Variants in CFAP47 observed in about 807,000 individuals in gnomAD.
CFAP47 encodes cilia- and flagella-associated protein 47.
CFAP47 carries 29 observed loss-of-function variants against 148.1 expected under a neutral mutation model. The ratio of observed to expected loss-of-function variants is 0.20; its 90% CI spans 0.15 to 0.27. CFAP47 has a LOEUF of 0.27. Among genes scored for constraint, CFAP47 ranks in the 10% least tolerant of loss-of-function variants. The probability of loss-of-function intolerance (pLI) is 1.00; values close to 1 mark genes in which losing one functional copy is unlikely to be tolerated. For synonymous variants in CFAP47, 664 were observed against 577.3 expected, an observed-to-expected ratio of 1.15 and a Z score of -2.15; for missense variants, 1,872 against 1,697.5, an observed-to-expected ratio of 1.10 and a Z score of -1.81.
At chrX:36,379,822 G>T (rs1942061768) in intron 63 of CFAP47, 2 of 164,993 alleles carry the variant, frequency 1.2e-5, no homozygotes, top group South Asian at 3.2e-4. Context: ...GTATAGTTAT[G>T]TATCACTTTC....
intron 33 of CFAP47, among the ~76,000 whole-genome samples, chrX:36,123,806 C>T (rs1247715670): frequency 9.0e-6 from 1 of 111,302 alleles, no homozygotes; most frequent in Non-Finnish European, 1.9e-5. Flanking sequence ...GTCTAAGGTG[C>T]AAGACAGAGG....
At chrX:36,255,959 T>A (rs2146926366) in intron 49 of CFAP47, among the ~76,000 whole-genome samples, 1 of 111,735 alleles carries the variant, frequency 8.9e-6, no homozygotes, top group Admixed American at 9.5e-5. Flanking sequence ...AACAAACAAA[T>A]CCAAGCAAAA....
At chrX:36,246,596 A>G (rs1940618160) in intron 48 of CFAP47, among the ~76,000 whole-genome samples, 1 of 111,400 alleles carries the variant, frequency 9.0e-6, no homozygotes, top group South Asian at 3.8e-4. Flanking sequence ...TGTCATGAGA[A>G]CAGCATGGGA....
intron 36 of CFAP47, among the ~76,000 whole-genome samples, chrX:36,146,010 A>C (rs992411877): frequency 6.3e-5 from 7 of 110,648 alleles, no homozygotes; most frequent in African/African-American, 2.0e-4. Context: ...TATTTACTTT[A>C]TTTCTTTCCT....
intron 32 of CFAP47, among the ~76,000 whole-genome samples, chrX:36,103,529 A>AC (rs1938416147): frequency 2.0e-5 from 2 of 100,580 alleles, no homozygotes; most frequent in African/African-American, 3.7e-5. Flanking sequence ...AAAAAAAAAA[A>AC]CATCCCTCAA....
chrX:36,200,209 G>A (rs1939964917), intron 42 of CFAP47, among the ~76,000 whole-genome samples, 170 bp from the exon 43 acceptor site: 1 of 112,004 alleles, frequency 8.9e-6, no homozygotes, highest in Non-Finnish European at 1.9e-5. Flanking sequence ...CCCATACTAT[G>A]GTTGAACTAT....
intron 29 of CFAP47, among the ~76,000 whole-genome samples, chrX:36,075,205 A>T (rs182349184): frequency 1.1e-4 from 11 of 98,714 alleles, no homozygotes; most frequent in Admixed American, 6.6e-4. Flanking sequence ...TATTATTTTT[A>T]TTTATTTATT....
Position 36,065,624 on chromosome X carries a change from G to A in CFAP47, c.4218-19G>A, listed in dbSNP as rs757076076. 2.6e-5 allele frequency: 27 copies of A among 1,039,546 alleles called. No individual in the cohort carries two copies. In the South Asian group the frequency reaches 4.7e-4, roughly 18 times the overall value. The allele number at this position is 1,039,546 out of a possible 1,213,427, so 85.7% of individuals were successfully genotyped here. ...TCTGAAATTTTTATTGTATTGAAAT[G>A]CAATGTTTTCACTTTCAGGTTTTCA... On this transcript the variant is annotated intron_variant, in intron 26 of 63. Coordinates refer to ENST00000378653, the MANE Select transcript of CFAP47 (RefSeq NM_001304548.2).
At position 35,948,371 on chromosome X, in the gene CFAP47, G is replaced by A. The variant is rs1248904701; in HGVS notation, c.575G>A (p.Gly192Asp). The part of the protein sequence containing the change: ...QLPILIFPTS[G>D]IVDAKSSMVI... The stretch of plus-strand genomic sequence containing the variant: ...CCCATCCTCATTTTTCCAACTAGTG[G>A]TATCGTGGATGCTAAGTCATCAATG... Residue 192 changes from glycine (G) to aspartate (D), a missense_variant, in exon 4 of 64, where the codon GGT becomes GAT. Coordinates refer to ENST00000378653, the MANE Select transcript of CFAP47 (RefSeq NM_001304548.2). The A allele has an allele frequency of 5.0e-6, 6 of 1,197,821 alleles. No individual in the cohort carries two copies. Among genetic ancestry groups the A allele is most frequent in the African/African-American group, 3.5e-5 (2 of 56,944 alleles).
intron 16 of CFAP47, 136 bp from the exon 17 acceptor site, chrX:35,991,685 T>A (rs188929381): frequency 1.2e-4 from 32 of 259,570 alleles, no homozygotes; most frequent in Admixed American, 4.0e-4. Flanking sequence ...TTATAATTTT[T>A]ATTTTCTTTT....
At position 36,376,544 on chromosome X, in the gene CFAP47, T is replaced by A. The variant is rs141746981; in HGVS notation, c.9186-2806T>A. 5.8e-3 allele frequency among the ~76,000 whole-genome samples: 653 copies of A among 112,023 alleles called. 8 individuals are homozygous for A. Among genetic ancestry groups the A allele is most frequent in the African/African-American group, 0.02 (609 of 30,775 alleles). The stretch of plus-strand genomic sequence containing the variant: ...CAGAAGCTGAGCATTTCTTCCCAAT[T>A]ATGTGGCACTGTGCCAGCAGGAGGG... On this transcript the variant is annotated intron_variant, in intron 62 of 63. Coordinates refer to ENST00000378653, the MANE Select transcript of CFAP47 (RefSeq NM_001304548.2).
Position 36,123,136 on chromosome X carries a change from A to G in CFAP47, c.5321-14822A>G, listed in dbSNP as rs181345694. The stretch of plus-strand genomic sequence containing the variant: ...GCAGAGACTCTTGTTCTCTTTCTTT[A>G]CTTTCTCCCAAGCAAATGAAGTCTT... On this transcript the variant is annotated intron_variant, in intron 33 of 63. Coordinates refer to ENST00000378653, the MANE Select transcript of CFAP47 (RefSeq NM_001304548.2). Among the ~76,000 whole-genome samples the G allele has an allele frequency of 5.4e-3, 600 of 111,895 alleles. 3 individuals are homozygous for G. The highest frequency in any genetic ancestry group is 0.017 in the African/African-American group (531 of 30,844).
Position 36,026,503 on chromosome X carries a change from C to T in CFAP47, c.3557-4750C>T, listed in dbSNP as rs887895987. On this transcript the variant is annotated intron_variant, in intron 22 of 63. Transcript: ENST00000378653. Reference sequence around the variant, plus strand: ...CAATATAATATAATTAACATTAGTCCTCATGCTGTTTATTAGATCAGTTTG... The same window carrying T: ...CAATATAATATAATTAACATTAGTCTTCATGCTGTTTATTAGATCAGTTTG... Among the ~76,000 whole-genome samples, 3 of 111,155 alleles carry T rather than the reference C, an allele frequency of 2.7e-5. No homozygotes were observed. The Admixed American group carries it at 2.9e-4, about 11-fold the overall frequency.
intron 16 of CFAP47, chrX:35,989,672 G>T (rs1936764206): frequency 8.2e-6 from 7 of 855,160 alleles, no homozygotes; most frequent in Non-Finnish European, 9.4e-6. Flanking sequence ...TATTTTCAGA[G>T]AATATACTTG....
At chrX:36,237,671 C>T (rs1316304375) in intron 48 of CFAP47, among the ~76,000 whole-genome samples, 1 of 111,986 alleles carries the variant, frequency 8.9e-6, no homozygotes, top group African/African-American at 3.3e-5. Context: ...CTGTCATCCT[C>T]ACTTGGTTTG....
At chrX:36,028,706 A>G (rs1312497575) in intron 22 of CFAP47, among the ~76,000 whole-genome samples, 1 of 111,749 alleles carries the variant, frequency 8.9e-6, no homozygotes, top group African/African-American at 3.2e-5. Flanking sequence ...TTAATTTTGT[A>G]TGCTGAATCT....
chrX:35,944,573 A>G (rs1406096568), intron 3 of CFAP47, among the ~76,000 whole-genome samples: 1 of 111,603 alleles, frequency 9.0e-6, no homozygotes, highest in African/African-American at 3.3e-5. Context: ...AAAAAATCAT[A>G]AGAAATAGCA....
At chrX:36,231,879 T>G (rs1940366456) in intron 46 of CFAP47, among the ~76,000 whole-genome samples, 1 of 111,686 alleles carries the variant, frequency 9.0e-6, no homozygotes, top group Admixed American at 9.5e-5. Context: ...ATCATGTGGT[T>G]TTTGTCTTTG....
chrX:36,091,863 A>G (rs1177139243), intron 30 of CFAP47, among the ~76,000 whole-genome samples: 4 of 111,417 alleles, frequency 3.6e-5, no homozygotes, highest in Non-Finnish European at 7.6e-5. Context: ...TAATCACAAG[A>G]CTGCAAATTC....
Sources: gnomAD v4.1 joint callset for allele counts (sites outside exome capture counted in the v4.1 genomes callset) on GRCh38, gnomAD v4.1.1 for gene constraint, MANE v1.5 for transcripts, NCBI Gene and HGNC (gene_info 2026-07-23, HGNC 2026-07-21) for gene names.